The following KCNAB1 variants were observed in gnomAD, a reference collection of about 807,000 sequenced individuals.
KCNAB1 encodes the protein potassium voltage-gated channel subfamily A regulatory beta subunit 1, also known as voltage-gated potassium channel subunit beta-1.
In KCNAB1, 35 loss-of-function variants were observed where a neutral mutation model predicts 64.6. The ratio of observed to expected loss-of-function variants is 0.54; its 90% CI spans 0.41 to 0.72. The LOEUF is 0.72. KCNAB1 is among the 30% of genes least tolerant of loss of function. KCNAB1 has a pLI of 0.00. For synonymous variants in KCNAB1, 177 were observed against 183.8 expected, an observed-to-expected ratio of 0.96 and a Z score of 0.30; for missense variants, 401 against 512.9, an observed-to-expected ratio of 0.78 and a Z score of 2.11.
At chr3:156,306,021 C>G (rs1409446283) in intron 1 of KCNAB1, among the ~76,000 whole-genome samples, 1 of 152,116 alleles carries the variant, frequency 6.6e-6, no homozygotes, top group African/African-American at 2.4e-5. Context: ...AGCAACATGG[C>G]TTGTGAAACT....
chr3:156,522,959 C>G (rs1718055475), intron 11 of KCNAB1, among the ~76,000 whole-genome samples: 1 of 152,194 alleles, frequency 6.6e-6, no homozygotes, highest in East Asian at 1.9e-4. Flanking sequence ...GGTGTTGCTG[C>G]TTAAGTGCTC....
chr3:156,160,234 T>C (rs959389001), intron 1 of KCNAB1, among the ~76,000 whole-genome samples: 1 of 152,240 alleles, frequency 6.6e-6, no homozygotes, highest in Admixed American at 6.5e-5. Context: ...CAGGCAGATC[T>C]GCACTAAATG....
intron 1 of KCNAB1, among the ~76,000 whole-genome samples, chr3:156,259,703 T>C (rs1718316258): frequency 6.6e-6 from 1 of 152,220 alleles, no homozygotes; most frequent in Non-Finnish European, 1.5e-5. Context: ...GTCCTAAAGC[T>C]GTCCTGCCTT....
chr3:156,168,780 T>C (rs1378346010), intron 1 of KCNAB1, among the ~76,000 whole-genome samples: 2 of 152,206 alleles, frequency 1.3e-5, no homozygotes, highest in African/African-American at 4.8e-5. Context: ...AAAAACTTGA[T>C]CTCTAATGTA....
Position 156,142,949 on chromosome 3 carries a change from A to G in KCNAB1, c.275+22063A>G, listed in dbSNP as rs182345450. ...GGGATGAGAAAAGTGATTGGCCACC[A>G]AAAGCCTCCTTTATGCACAGGCCTG... On this transcript the variant is annotated intron_variant, in intron 1 of 13. Transcript: ENST00000490337. The G allele has an allele frequency of 1.4e-3, 1,621 of 1,167,018 alleles. 25 individuals are homozygous for G. In the African/African-American group the frequency reaches 0.023, roughly 17 times the overall value. The allele number at this position is 1,167,018 out of a possible 1,614,324, so 72.3% of individuals were successfully genotyped here.
At chr3:156,322,147 A>G (rs186998832) in intron 1 of KCNAB1, among the ~76,000 whole-genome samples, 8 of 152,336 alleles carry the variant, frequency 5.3e-5, no homozygotes, top group Non-Finnish European at 1.0e-4. Context: ...CAGCTGAGCA[A>G]ACACAAAGGG....
intron 13 of KCNAB1, among the ~76,000 whole-genome samples, chr3:156,532,582 CT>C (rs1055152045): frequency 2.6e-5 from 4 of 152,156 alleles, no homozygotes; most frequent in Non-Finnish European, 5.9e-5. Context: ...GATTTAAAAT[CT>C]TTTTTAAAAA....
intron 1 of KCNAB1, among the ~76,000 whole-genome samples, chr3:156,216,025 G>C (rs1471131774): frequency 6.6e-6 from 1 of 152,122 alleles, no homozygotes. Flanking sequence ...TCAAGATTTT[G>C]CTTTGCTTCT....
chr3:156,301,143 G>C (rs899793883), intron 1 of KCNAB1, among the ~76,000 whole-genome samples: 7 of 152,016 alleles, frequency 4.6e-5, no homozygotes, highest in African/African-American at 1.7e-4. Context: ...GATTTTTCCT[G>C]AGGAGCACAT....
intron 1 of KCNAB1, among the ~76,000 whole-genome samples, chr3:156,151,606 C>G (rs1206133668): frequency 1.3e-5 from 2 of 152,166 alleles, no homozygotes; most frequent in Non-Finnish European, 2.9e-5. Context: ...TTTGTTCATG[C>G]TCTCACATGC....
At chr3:156,186,601 C>CT (rs1308858359) in intron 1 of KCNAB1, among the ~76,000 whole-genome samples, 1 of 152,142 alleles carries the variant, frequency 6.6e-6, no homozygotes, top group African/African-American at 2.4e-5. Flanking sequence ...TGCTGCCTGT[C>CT]TTTCCTTCCT....
intron 1 of KCNAB1, among the ~76,000 whole-genome samples, chr3:156,167,222 G>A (rs115114518): frequency 0.021 from 3,147 of 152,236 alleles, 49 homozygotes; most frequent in Middle Eastern, 0.037. Flanking sequence ...ACCACAGGTG[G>A]CCAAGCTTGA....
chr3:156,321,529 A>C (rs1432747228), intron 1 of KCNAB1, among the ~76,000 whole-genome samples: 1 of 152,244 alleles, frequency 6.6e-6, no homozygotes, highest in Non-Finnish European at 1.5e-5. Flanking sequence ...CAGCTGCGAT[A>C]CTAGGCTTCC....
chr3:156,279,374 C>T (rs1719554244), intron 1 of KCNAB1, among the ~76,000 whole-genome samples: 1 of 152,058 alleles, frequency 6.6e-6, no homozygotes, highest in African/African-American at 2.4e-5. Context: ...CATTGTTGGA[C>T]ATTTGGGTTG....
rs562884810 is a variant in KCNAB1, at chr3:156,353,102, C to A, written c.276-68514C>A. ...AACTCTGCTATAAGTGATTGGGAAG[C>A]AATTTGCCAATTGTAAAATTAAATT... is the stretch of plus-strand genomic sequence containing the variant. On this transcript the variant is annotated intron_variant, in intron 1 of 13. Coordinates refer to ENST00000490337, the MANE Select transcript of KCNAB1 (RefSeq NM_172160.3). 7.2e-4 allele frequency among the ~76,000 whole-genome samples: 110 copies of A among 152,340 alleles called. 1 individual carries two copies. Among genetic ancestry groups the A allele is most frequent in the Non-Finnish European group, 1.3e-3 (87 of 68,034 alleles).
intron 1 of KCNAB1, chr3:156,292,021 C>T: frequency 1.2e-6 from 2 of 1,614,120 alleles, no homozygotes; most frequent in Non-Finnish European, 1.7e-6. Flanking sequence ...CAGCCCGGGC[C>T]AAATTCCGCA....
intron 2 of KCNAB1, among the ~76,000 whole-genome samples, chr3:156,425,418 C>T (rs1375619498): frequency 6.6e-6 from 1 of 152,192 alleles, no homozygotes; most frequent in Admixed American, 6.5e-5. Flanking sequence ...CGAAAGAACA[C>T]AGCCCTGCCA....
At chr3:156,481,419 CA>C (rs34963527) in intron 8 of KCNAB1, among the ~76,000 whole-genome samples, 68,663 of 119,424 alleles carry the variant, frequency 0.57, 17,927 homozygotes, top group African/African-American at 0.73. Context: ...AAGCTTGTTG[CA>C]AAAAAAAAAA....
At chr3:156,260,662 G>GCTTTT (rs1718377601) in intron 1 of KCNAB1, among the ~76,000 whole-genome samples, 1 of 152,084 alleles carries the variant, frequency 6.6e-6, no homozygotes, top group Admixed American at 6.5e-5. Context: ...TTTTCCATTT[G>GCTTTT]CCATTTGATG....
Sources: gnomAD v4.1 joint callset for allele counts (sites outside exome capture counted in the v4.1 genomes callset) on GRCh38, gnomAD v4.1.1 for gene constraint, MANE v1.5 for transcripts, NCBI Gene and HGNC (gene_info 2026-07-23, HGNC 2026-07-21) for gene names.